CGRRF1: variants seen among roughly 807,000 people sequenced by gnomAD.
CGRRF1 encodes the protein cell growth regulator with ring finger domain 1.
Under a neutral mutation model 37.2 loss-of-function variants are expected in CGRRF1, and 32 were observed. That is an observed-to-expected ratio of 0.86 (90% CI 0.65 to 1.16). The LOEUF is 1.16. CGRRF1 is among the 50% of genes most tolerant of loss of function. CGRRF1 has a pLI of 0.00. For synonymous variants in CGRRF1, 141 were observed against 140.3 expected (o/e 1.00, Z -0.04); for missense variants, 391 against 382.6 (o/e 1.02, Z -0.18).
intron 4 of CGRRF1, among the ~76,000 whole-genome samples, chr14:54,533,898 C>T (rs1439038097): frequency 1.3e-5 from 2 of 151,914 alleles, no homozygotes; most frequent in African/African-American, 4.8e-5. Flanking sequence ...TGTATTCTAT[C>T]ATCCAAAAAT....
chr14:54,537,775 C>T lies in CGRRF1; in HGVS notation c.624C>T (p.Cys208=). The T allele has an allele frequency of 1.2e-6, 2 of 1,600,420 alleles. No individual in the cohort carries two copies. Among genetic ancestry groups the T allele is most frequent in the Non-Finnish European group, 1.7e-6 (2 of 1,176,398 alleles). Residue 208 remains cysteine (C), a synonymous_variant, in exon 5 of 6, where the codon TGC becomes TGT. Transcript: ENST00000216420. ...CTGATAGGACTTATAAACTATCCTG[C>T]AGAATATTGTATCAATATTTACTCT... The part of the protein sequence containing the change: ...HIPDRTYKLS[C]RILYQYLLLA...
intron 1 of CGRRF1, among the ~76,000 whole-genome samples, chr14:54,512,620 A>T (rs2032147928): frequency 6.6e-6 from 1 of 152,226 alleles, no homozygotes; most frequent in Non-Finnish European, 1.5e-5. Flanking sequence ...GGGCTTTGCC[A>T]ACAAGGGAGG....
intron 4 of CGRRF1, among the ~76,000 whole-genome samples, chr14:54,532,357 G>T (rs1276102388): frequency 6.6e-6 from 1 of 152,056 alleles, no homozygotes; most frequent in Non-Finnish European, 1.5e-5. Flanking sequence ...GAAGGAAATG[G>T]GGATATGTAG....
intron 2 of CGRRF1, among the ~76,000 whole-genome samples, chr14:54,528,809 T>C (rs1489634452): frequency 6.6e-6 from 1 of 152,190 alleles, no homozygotes; most frequent in Non-Finnish European, 1.5e-5. Context: ...CCAATTAAAA[T>C]TTTTCCTTAA....
At chr14:54,517,721 T>C (rs1394375800) in intron 1 of CGRRF1, among the ~76,000 whole-genome samples, 2 of 152,202 alleles carry the variant, frequency 1.3e-5, no homozygotes, top group African/African-American at 4.8e-5. Context: ...GATCAACCAT[T>C]CACCTTGATA....
chr14:54,525,757 A>G (rs2032401039), intron 2 of CGRRF1, among the ~76,000 whole-genome samples: 1 of 152,214 alleles, frequency 6.6e-6, no homozygotes, highest in African/African-American at 2.4e-5. Context: ...ACTGCCTGAC[A>G]TATAGCAGAA....
intron 1 of CGRRF1, among the ~76,000 whole-genome samples, chr14:54,513,860 C>T (rs534613630): frequency 6.6e-6 from 1 of 152,064 alleles, no homozygotes; most frequent in Middle Eastern, 3.4e-3. Flanking sequence ...GTTTTAACTG[C>T]GATAGTAATA....
At chr14:54,526,277 G>C (rs765615355) in intron 2 of CGRRF1, among the ~76,000 whole-genome samples, 3 of 149,958 alleles carry the variant, frequency 2.0e-5, no homozygotes, top group Non-Finnish European at 4.4e-5. Context: ...AGCCTCCTGA[G>C]TAGCAGGGAC....
In CGRRF1 at chr14:54,537,773, T is replaced by C; in HGVS notation, c.622T>C (p.Cys208Arg). 6.3e-7 allele frequency: 1 copy of C among 1,599,664 alleles called. No individual in the cohort carries two copies. The highest frequency in any genetic ancestry group is 8.5e-7 in the Non-Finnish European group (1 of 1,176,240). ...TCCTGATAGGACTTATAAACTATCC[T>C]GCAGAATATTGTATCAATATTTACT... ...HIPDRTYKLS[C>R]RILYQYLLLA... The change falls in exon 5 of 6, where the codon TGC becomes CGC. Residue 208 changes from cysteine to arginine, a missense_variant. Physicochemically the swap from Cys to Arg is radical, Grantham distance 180. Transcript: ENST00000216420.
chr14:54,535,359 TCACACACACACACA>T (rs143950400), intron 4 of CGRRF1, among the ~76,000 whole-genome samples: 5 of 140,496 alleles, frequency 3.6e-5, no homozygotes, highest in Admixed American at 1.4e-4. Context: ...AAGGGTATAG[TCACACACACACACA>T]CACACACACA....
At chr14:54,528,953 T>C (rs1478790389) in intron 2 of CGRRF1, among the ~76,000 whole-genome samples, 5 of 152,198 alleles carry the variant, frequency 3.3e-5, no homozygotes, top group Non-Finnish European at 7.3e-5. Flanking sequence ...TATTTGTGTA[T>C]CTTCTTCTAA....
At chr14:54,531,795 A>G (rs567735885) in intron 4 of CGRRF1, among the ~76,000 whole-genome samples, 30 of 152,292 alleles carry the variant, frequency 2.0e-4, no homozygotes, top group Non-Finnish European at 3.2e-4. Context: ...AAACTTTGAC[A>G]ATCATCTGAG....
intron 1 of CGRRF1, among the ~76,000 whole-genome samples, chr14:54,520,160 G>A (rs1457651613): frequency 1.3e-5 from 2 of 152,126 alleles, no homozygotes; most frequent in Admixed American, 6.5e-5. Flanking sequence ...TCAGGCTGGA[G>A]TGCAATGGCG....
intron 2 of CGRRF1, among the ~76,000 whole-genome samples, chr14:54,527,516 G>T (rs1398444742): frequency 6.6e-6 from 1 of 151,890 alleles, no homozygotes; most frequent in Non-Finnish European, 1.5e-5. Context: ...AGATTCTGTA[G>T]TTTTTTTAAA....
intron 1 of CGRRF1, among the ~76,000 whole-genome samples, chr14:54,515,345 A>G (rs764213971): frequency 5.9e-4 from 90 of 151,280 alleles, no homozygotes; most frequent in Non-Finnish European, 1.1e-3. Flanking sequence ...GCCCGCGATG[A>G]CCTCCCGAAG....
At chr14:54,534,354 A>G (rs1395531278) in intron 4 of CGRRF1, among the ~76,000 whole-genome samples, 1 of 152,064 alleles carries the variant, frequency 6.6e-6, no homozygotes, top group East Asian at 1.9e-4. Flanking sequence ...TGAACTCCTG[A>G]CCTCGTGATC....
At chr14:54,525,042 G>T (rs1275618078) in intron 2 of CGRRF1, among the ~76,000 whole-genome samples, 3 of 152,074 alleles carry the variant, frequency 2.0e-5, no homozygotes, top group Non-Finnish European at 4.4e-5. Context: ...GTGAGACTCT[G>T]TCTCAAAAAA....
chr14:54,527,533 T>A (rs1210324830), intron 2 of CGRRF1, among the ~76,000 whole-genome samples: 1 of 152,122 alleles, frequency 6.6e-6, no homozygotes, highest in Non-Finnish European at 1.5e-5. Flanking sequence ...TAAATTAATT[T>A]TAGAGACATT....
At chr14:54,517,515 T>C (rs1305677782) in intron 1 of CGRRF1, among the ~76,000 whole-genome samples, 1 of 152,242 alleles carries the variant, frequency 6.6e-6, no homozygotes, top group African/African-American at 2.4e-5. Flanking sequence ...AGTGGAAGAT[T>C]CGTTTTGTTT....
Sources: allele counts gnomAD v4.1 joint callset (sites outside exome capture counted in the v4.1 genomes callset), GRCh38; gene constraint gnomAD v4.1.1; transcripts MANE v1.5; gene names NCBI Gene and HGNC (gene_info 2026-07-23, HGNC 2026-07-21).